ENG: variants seen among roughly 807,000 people sequenced by gnomAD.
ENG encodes endoglin.
Under a neutral mutation model 71.0 loss-of-function variants are expected in ENG, and 17 were observed. The observed-to-expected ratio is 0.24, with a 90% CI of 0.16 to 0.36. The LOEUF (loss-of-function observed/expected upper bound fraction) is 0.36, where lower values mean the gene tolerates loss of function less well. ENG is among the 10% of genes least tolerant of loss of function. The pLI is 1.00. For synonymous variants in ENG, 360 were observed against 366.9 expected (o/e 0.98, Z 0.21); for missense variants, 749 against 868.3 (o/e 0.86, Z 1.73).
Position 127,815,614 on chromosome 9 carries a change from G to A in ENG, c.*68C>T. 4 of 1,528,356 alleles carry A rather than the reference G, an allele frequency of 2.6e-6. No homozygotes were observed. The highest frequency in any genetic ancestry group is 2.6e-6 in the Non-Finnish European group (3 of 1,143,328). The allele number at this position is 1,528,356 out of a possible 1,614,324, so 94.7% of individuals were successfully genotyped here. On this transcript the variant is annotated 3_prime_UTR_variant, in exon 15 of 15. Coordinates refer to ENST00000373203, the MANE Select transcript of ENG (RefSeq NM_001114753.3). ...AGTGGAGGACTGGCTCCCAGGGTGA[G>A]TTCACACCAGTGCTCCCAGCTGGCG...
In ENG at chr9:127,819,607, G is replaced by C; in HGVS notation, c.1311+15C>G. 1 of 1,613,008 alleles carries C rather than the reference G, an allele frequency of 6.2e-7. No individual in the cohort carries two copies. The highest frequency in any genetic ancestry group is 8.5e-7 in the Non-Finnish European group (1 of 1,179,858). ...CCCTGGGCCAGGTGGGTTAGCACGT[G>C]ACTGTCCATCTCACCCGCTGTGGTG... On this transcript the variant is annotated intron_variant, in intron 10 of 14. Coordinates refer to ENST00000373203, the MANE Select transcript of ENG (RefSeq NM_001114753.3).
intron 2 of ENG, among the ~76,000 whole-genome samples, chr9:127,840,830 C>T (rs1369522994): frequency 6.6e-6 from 1 of 152,202 alleles, no homozygotes; most frequent in African/African-American, 2.4e-5. Flanking sequence ...AGCGAGTTCT[C>T]TAGAAGAGGC....
intron 2 of ENG, among the ~76,000 whole-genome samples, chr9:127,831,476 G>A (rs772080627): frequency 4.1e-5 from 6 of 146,788 alleles, no homozygotes; most frequent in Non-Finnish European, 9.0e-5. Flanking sequence ...CAACCTTCGC[G>A]TACCAGGTTC....
In ENG at chr9:127,826,631, G is replaced by A. The variant is rs771347954; in HGVS notation, c.402C>T (p.Asn134=). 1.9e-6 allele frequency: 3 copies of A among 1,614,060 alleles called. No homozygotes were observed. In the South Asian group the frequency reaches 3.3e-5, roughly 18 times the overall value. The part of the protein sequence containing the change: ...LVTFQEPPGV[N]TTELPSFPKT... Reference sequence around the variant, plus strand: ...TGGGGAAGGATGGCAGCTCTGTGGTGTTGACCCCCGGGGGCTCTTGGAAGG... The same window carrying A: ...TGGGGAAGGATGGCAGCTCTGTGGTATTGACCCCCGGGGGCTCTTGGAAGG... The change falls in exon 4 of 15, where the codon AAC becomes AAT. Residue 134 remains asparagine, a synonymous_variant. Transcript: ENST00000373203.
chr9:127,824,394 G>A lies in ENG; in HGVS notation c.1044C>T (p.Asp348=). Residue 348 remains aspartate (D), a synonymous_variant, in exon 8 of 15, where the codon GAC becomes GAT. Transcript: ENST00000373203. ...ACATGAGCAGCTCCGGGCTACAAGT[G>A]TCCTTGGGAGGAGTGGTCTGGATCG... The part of the protein sequence containing the change: ...PAPIQTTPPK[D]TCSPELLMSL... The A allele has an allele frequency of 6.2e-7, 1 of 1,614,056 alleles. No individual in the cohort carries two copies. The highest frequency in any genetic ancestry group is 1.1e-5 in the South Asian group (1 of 91,082).
At chr9:127,822,523 A>G (rs1830491362) in intron 8 of ENG, 1 of 152,244 alleles carries the variant, frequency 6.6e-6, no homozygotes. Flanking sequence ...GCACAATGAC[A>G]TTTTTTGCAT....
intron 12 of ENG, among the ~76,000 whole-genome samples, chr9:127,817,577 G>T (rs779647651): frequency 7.2e-4 from 109 of 152,140 alleles, no homozygotes; most frequent in Non-Finnish European, 7.9e-4. Flanking sequence ...GGCTTCCCTA[G>T]CTTCCTATGA....
At chr9:127,822,562 C>G (rs1360712089) in intron 8 of ENG, 1 of 152,098 alleles carries the variant, frequency 6.6e-6, no homozygotes, top group East Asian at 1.9e-4. Flanking sequence ...TTGGGAACAA[C>G]CTAAATGTGT....
At chr9:127,819,871 C>T (rs1830430620) in intron 9 of ENG, 29 bp downstream of exon 9, 3 of 1,614,078 alleles carry the variant, frequency 1.9e-6, no homozygotes, top group South Asian at 1.1e-5. Context: ...CCAGGCTGGT[C>T]CTGATACCTT....
At chr9:127,829,923 A>C (rs1588586107) in intron 2 of ENG, 96 bp from the exon 3 acceptor site, 1 of 1,555,728 alleles carries the variant, frequency 6.4e-7, no homozygotes, top group Non-Finnish European at 8.8e-7. Flanking sequence ...CTTCCACTCC[A>C]CTCTCCCTGC....
intron 7 of ENG, 141 bp downstream of exon 7, chr9:127,824,659 T>C: frequency 8.8e-7 from 1 of 1,136,322 alleles, no homozygotes; most frequent in Non-Finnish European, 1.2e-6. Flanking sequence ...ACTCCCATTG[T>C]TCCCATGTGC....
At position 127,833,488 on chromosome 9, in the gene ENG, C is replaced by G. The variant is rs117750368; in HGVS notation, c.220-3661G>C. ...GGTGAGCCAAGATCGCGCCATTGAG[C>G]TCTAGCCTGGGCAGCAAGAGTGAAA... is the stretch of plus-strand genomic sequence containing the variant. On this transcript the variant is annotated intron_variant, in intron 2 of 14. Transcript: ENST00000373203. 4.4e-3 allele frequency among the ~76,000 whole-genome samples: 610 copies of G among 137,942 alleles called. 29 individuals carry two copies. In the East Asian group the frequency reaches 0.1, roughly 23 times the overall value. 90.5% of individuals were successfully genotyped at this position (137,942 alleles called of 152,430 possible). A position where few individuals can be genotyped will look rare whatever the true frequency, so the allele number is the denominator to read the frequency against.
chr9:127,822,753 A>G (rs1329387521), intron 8 of ENG, among the ~76,000 whole-genome samples: 3 of 152,254 alleles, frequency 2.0e-5, no homozygotes, highest in Non-Finnish European at 4.4e-5. Context: ...AAAACGCTCT[A>G]GAAAGAAGCA....
At chr9:127,830,064 G>A (rs1830727610) in intron 2 of ENG, among the ~76,000 whole-genome samples, 1 of 152,084 alleles carries the variant, frequency 6.6e-6, no homozygotes, top group Non-Finnish European at 1.5e-5. Flanking sequence ...AAATTAGGCT[G>A]GGCACGGTGG....
intron 10 of ENG, among the ~76,000 whole-genome samples, chr9:127,819,062 C>T (rs1306018149): frequency 6.6e-6 from 1 of 151,994 alleles, no homozygotes; most frequent in Non-Finnish European, 1.5e-5. Context: ...CTCAGCCTCC[C>T]AAGTAGCTGG....
Position 127,836,901 on chromosome 9 carries a change from G to A in ENG, c.219+6193C>T, listed in dbSNP as rs907950576. Among the ~76,000 whole-genome samples, 3 of 152,078 alleles carry A rather than the reference G, an allele frequency of 2.0e-5. No individual in the cohort carries two copies. Among genetic ancestry groups the A allele is most frequent in the Admixed American group, 6.6e-5 (1 of 15,264 alleles). ...CTCCTGGGTTCAAGTAATTCTGCTG[G>A]TTCAGCCTCCTGAGTAGCTGGGACT... On this transcript the variant is annotated intron_variant, in intron 2 of 14. Coordinates refer to ENST00000373203, the MANE Select transcript of ENG (RefSeq NM_001114753.3). This position sits in a 1 kb window ranked among gnomAD's most constrained non-coding sequence, Gnocchi z 4.0.
At chr9:127,828,204 T>C (rs1588584799) in intron 3 of ENG, among the ~76,000 whole-genome samples, 1 of 151,936 alleles carries the variant, frequency 6.6e-6, no homozygotes, top group East Asian at 1.9e-4. Context: ...TCTGTAGGGA[T>C]TCAACAAGGG....
At chr9:127,824,735 C>T (rs2131886568) in intron 7 of ENG, 65 bp downstream of exon 7, 1 of 1,417,550 alleles carries the variant, frequency 7.1e-7, no homozygotes. Context: ...AGGTGCTTCA[C>T]CAACAGTGTG....
intron 2 of ENG, 27 bp from the exon 3 acceptor site, chr9:127,829,854 A>G: frequency 6.2e-7 from 1 of 1,613,420 alleles, no homozygotes; most frequent in Non-Finnish European, 8.5e-7. Context: ...AGAGACACAC[A>G]CAGTCCAGTC....
Sources: allele counts gnomAD v4.1 joint callset (sites outside exome capture counted in the v4.1 genomes callset), GRCh38; gene constraint gnomAD v4.1.1; non-coding constraint Gnocchi (gnomAD v3.1); transcripts MANE v1.5; gene names NCBI Gene and HGNC (gene_info 2026-07-23, HGNC 2026-07-21).